RYR1: variants seen among roughly 807,000 people sequenced by gnomAD.
The protein encoded by RYR1 is central core disease of muscle.
In RYR1, 342 loss-of-function variants were observed where a neutral mutation model predicts 583.5. That is an observed-to-expected ratio of 0.59 (90% confidence interval 0.54 to 0.64). RYR1 has a LOEUF of 0.64. RYR1 is among the 30% of genes least tolerant of loss of function. The pLI is 0.00. For missense variants in RYR1, 6,032 were observed against 6,917.2 expected (o/e 0.87, Z 4.54); for synonymous variants, 2,791 against 2,822.5 (o/e 0.99, Z 0.35).
In RYR1 at chr19:38,486,000, T is replaced by C; in HGVS notation, c.5345T>C (p.Phe1782Ser). The C allele has an allele frequency of 6.2e-7, 1 of 1,613,496 alleles. No homozygotes were observed. Among genetic ancestry groups the C allele is most frequent in the Non-Finnish European group, 8.5e-7 (1 of 1,179,900 alleles). Reference protein sequence around the residue: ...RPPHHFSPPCFVAALPAAGAA... With the variant: ...RPPHHFSPPCSVAALPAAGAA... The stretch of plus-strand genomic sequence containing the variant: ...CCGCATCATTTCTCGCCCCCCTGTT[T>C]CGTGGCCGCTCTGCCAGCTGCTGGG... Residue 1782 changes from phenylalanine (F) to serine (S), a missense_variant, in exon 34 of 106, where the codon TTC becomes TCC. Physicochemically the swap from Phe to Ser is radical, Grantham distance 155 (BLOSUM62 -2). Around this residue, in one of 11 missense-constraint regions of RYR1, gnomAD observed 2,627 missense variants for 2,961.3 expected, o/e 0.89. Transcript: ENST00000359596.
intron 56 of RYR1, 58 bp from the exon 57 acceptor site, chr19:38,506,771 C>G: frequency 1.2e-6 from 2 of 1,612,918 alleles, no homozygotes; most frequent in Non-Finnish European, 1.7e-6. Context: ...GGAACCACTT[C>G]AGTGAGAGTG....
chr19:38,468,898 C>A, intron 25 of RYR1, 68 bp from the exon 26 acceptor site: 1 of 1,542,726 alleles, frequency 6.5e-7, no homozygotes, highest in Non-Finnish European at 8.9e-7. Context: ...CTCTCCCTCC[C>A]TGCTTCCTTA....
intron 19 of RYR1, 47 bp from the exon 20 acceptor site, chr19:38,460,328 C>A: frequency 6.5e-7 from 1 of 1,540,404 alleles, no homozygotes; most frequent in Non-Finnish European, 9.0e-7. Flanking sequence ...CACAGACTGT[C>A]CCCCATAACC....
At chr19:38,488,621 C>T (rs1969406116) in intron 34 of RYR1, among the ~76,000 whole-genome samples, 1 of 152,186 alleles carries the variant, frequency 6.6e-6, no homozygotes, top group South Asian at 2.1e-4. Context: ...CTTGCCTCAG[C>T]CTCCTGAGTA....
Position 38,464,048 on chromosome 19 carries a change from G to A in RYR1, c.2786+198G>A, listed in dbSNP as rs141219411. Reference sequence around the variant, plus strand: ...TCCTAGCACTTTGGGAGGCCGAGACGGGTGGATCACTTGAGGTCAGCAGTT... The same window carrying A: ...TCCTAGCACTTTGGGAGGCCGAGACAGGTGGATCACTTGAGGTCAGCAGTT... On this transcript the variant is annotated intron_variant, in intron 22 of 105. Coordinates refer to ENST00000359596, the MANE Select transcript of RYR1 (RefSeq NM_000540.3). Among the ~76,000 whole-genome samples, 938 of 151,974 alleles carry A rather than the reference G, an allele frequency of 6.2e-3. 5 individuals are homozygous for A. The highest frequency in any genetic ancestry group is 0.021 in the African/African-American group (862 of 41,396).
At chr19:38,453,140 G>A (rs1484037475) in intron 13 of RYR1, 126 bp downstream of exon 13, 6 of 1,016,368 alleles carry the variant, frequency 5.9e-6, no homozygotes, top group African/African-American at 1.6e-5. Flanking sequence ...TGAGAAGGGG[G>A]CGGGGCAGGA....
rs1972642152 is a variant in RYR1 at position 38,551,025 on chromosome 19, C to CTTCTTTTTT, written c.12282+2607_12282+2608insCTTTTTTTT. Among the ~76,000 whole-genome samples, 5 of 41,312 alleles carry CTTCTTTTTT rather than the reference C, an allele frequency of 1.2e-4. 1 individual carries two copies. Among genetic ancestry groups the CTTCTTTTTT allele is most frequent in the African/African-American group, 4.2e-4 (5 of 11,776 alleles). 27.1% of individuals were successfully genotyped at this position (41,312 alleles called of 152,430 possible). A position where few individuals can be genotyped will look rare whatever the true frequency, so the allele number is the denominator to read the frequency against. ...CATTTATATCAGTGTGGATTCACGG[C>CTTCTTTTTT]TTTTTTTTTTTTTTTTTTTTTTTTT... On this transcript the variant is annotated intron_variant, in intron 89 of 105. Coordinates refer to ENST00000359596, the MANE Select transcript of RYR1 (RefSeq NM_000540.3).
chr19:38,459,525 G>T lies in RYR1; in HGVS notation c.2360+187G>T, dbSNP rs565146561. Among the ~76,000 whole-genome samples the T allele has an allele frequency of 5.3e-5, 8 of 152,152 alleles. No individual in the cohort carries two copies. The East Asian group carries it at 1.5e-3, about 29-fold the overall frequency. On this transcript the variant is annotated intron_variant, in intron 19 of 105. Coordinates refer to ENST00000359596, the MANE Select transcript of RYR1 (RefSeq NM_000540.3). ...CACGTGACTCCAGACTCTTTCCAAT[G>T]ACCTCAGATTCTCCCTAACCCCACG...
intron 91 of RYR1, among the ~76,000 whole-genome samples, chr19:38,566,338 A>G (rs1256836713): frequency 1.3e-5 from 2 of 149,624 alleles, no homozygotes. Context: ...AATCCCAGCT[A>G]CTCGGGAGGC....
intron 20 of RYR1, among the ~76,000 whole-genome samples, chr19:38,462,637 TTTACA>T (rs1224572739): frequency 2.0e-5 from 3 of 152,256 alleles, no homozygotes; most frequent in Non-Finnish European, 4.4e-5. Context: ...CATTTAGTAA[TTTACA>T]TTAATGATCT....
chr19:38,474,175 A>C (rs1968589482), intron 28 of RYR1, among the ~76,000 whole-genome samples: 1 of 152,216 alleles, frequency 6.6e-6, no homozygotes. Flanking sequence ...TCTGTGTCAC[A>C]AATGTACCCC....
At chr19:38,492,845 G>A (rs1017962383) in intron 38 of RYR1, among the ~76,000 whole-genome samples, 1 of 152,094 alleles carries the variant, frequency 6.6e-6, no homozygotes, top group Non-Finnish European at 1.5e-5. Flanking sequence ...GAGGCGGGTG[G>A]ATCACTTGAG....
intron 9 of RYR1, 151 bp from the exon 10 acceptor site, chr19:38,448,204 G>T (rs2145358794): frequency 1.2e-6 from 1 of 854,762 alleles, no homozygotes; most frequent in East Asian, 2.5e-5. Flanking sequence ...GGCCGAGGTG[G>T]GAGGATTGCT....
At chr19:38,446,218 T>C (rs1315646104) in intron 7 of RYR1, among the ~76,000 whole-genome samples, 3 of 151,188 alleles carry the variant, frequency 2.0e-5, no homozygotes, top group African/African-American at 7.3e-5. Flanking sequence ...GACTCACAAC[T>C]CCCCCAGCCT....
At chr19:38,498,893 C>T (rs564184427) in intron 42 of RYR1, among the ~76,000 whole-genome samples, 7 of 152,314 alleles carry the variant, frequency 4.6e-5, no homozygotes, top group Admixed American at 3.3e-4. Flanking sequence ...ATGCCTTAAC[C>T]ATCTGGGAAT....
chr19:38,473,904 G>A, intron 28 of RYR1, 133 bp downstream of exon 28: 2 of 673,080 alleles, frequency 3.0e-6, no homozygotes, highest in Non-Finnish European at 4.9e-6. Flanking sequence ...TAAGAATACC[G>A]AGAGATTCTA....
chr19:38,443,319 C>T (rs1972782912), intron 3 of RYR1, among the ~76,000 whole-genome samples: 1 of 152,120 alleles, frequency 6.6e-6, no homozygotes, highest in Non-Finnish European at 1.5e-5. Context: ...ACAGAGTGGG[C>T]TTTGGGGAAT....
At chr19:38,539,798 G>A (rs1972124654) in intron 84 of RYR1, among the ~76,000 whole-genome samples, 1 of 152,102 alleles carries the variant, frequency 6.6e-6, no homozygotes, top group Non-Finnish European at 1.5e-5. Context: ...CAAAAGGTTT[G>A]TCTCTCACTT....
At chr19:38,452,706 C>T (rs1328383890) in intron 12 of RYR1, 113 bp from the exon 13 acceptor site, 1 of 937,030 alleles carries the variant, frequency 1.1e-6, no homozygotes, top group Non-Finnish European at 1.6e-6. Flanking sequence ...TCTCGGTCTC[C>T]CTCTCTGTAA....
Sources: allele counts gnomAD v4.1 joint callset (sites outside exome capture counted in the v4.1 genomes callset), GRCh38; gene constraint gnomAD v4.1.1; regional missense constraint gnomAD v4.1.1; transcripts MANE v1.5; gene names NCBI Gene and HGNC (gene_info 2026-07-23, HGNC 2026-07-21).